The following ZNF577 variants were observed in gnomAD, a reference collection of about 807,000 sequenced individuals.
The protein encoded by ZNF577 is zinc finger protein 577.
Under a neutral mutation model 13.9 loss-of-function variants are expected in ZNF577, and 14 were observed. That is an observed-to-expected ratio of 1.00 (90% CI 0.66 to 1.57). ZNF577 has a LOEUF of 1.57. Among genes scored for constraint, ZNF577 ranks in the 40% most tolerant of loss-of-function variants. ZNF577 has a pLI of 0.00. For missense variants in ZNF577, 555 were observed against 579.2 expected (o/e 0.96, Z 0.43); for synonymous variants, 203 against 202.9 (o/e 1.00, Z 0.00).
At chr19:51,819,872 T>C (rs1761983002) in intron 9 of ZNF577, among the ~76,000 whole-genome samples, 3 of 152,192 alleles carry the variant, frequency 2.0e-5, no homozygotes, top group South Asian at 4.1e-4. Flanking sequence ...AAGGATCTAG[T>C]AGAAATCAAA....
At chr19:51,809,437 T>C (rs2122439646) in intron 10 of ZNF577, among the ~76,000 whole-genome samples, 1 of 152,332 alleles carries the variant, frequency 6.6e-6, no homozygotes, top group South Asian at 2.1e-4. Flanking sequence ...CAGGTAGGTC[T>C]ATTAGAGGCT....
At chr19:51,878,327 G>A in intron 4 of ZNF577, 62 bp downstream of exon 4, 1 of 1,518,562 alleles carries the variant, frequency 6.6e-7, no homozygotes, top group Non-Finnish European at 8.9e-7. Context: ...AAATATTTAT[G>A]GGACCGTACA....
At chr19:51,857,422 GAAAGAAAA>G (rs2084445666) in intron 5 of ZNF577, among the ~76,000 whole-genome samples, 1 of 108,706 alleles carries the variant, frequency 9.2e-6, no homozygotes, top group African/African-American at 4.3e-5. Context: ...AAGAAAGAAA[GAAAGAAAA>G]GAAAAAACAA....
chr19:51,813,162 C>G (rs553449251), intron 9 of ZNF577, among the ~76,000 whole-genome samples: 1 of 135,052 alleles, frequency 7.4e-6, no homozygotes, highest in African/African-American at 2.8e-5. Context: ...ACACACACAC[C>G]CCATAAATTT....
intron 5 of ZNF577, among the ~76,000 whole-genome samples, chr19:51,875,358 T>G: frequency 8.9e-6 from 1 of 112,752 alleles, no homozygotes; most frequent in East Asian, 2.4e-4. Context: ...AGCAAAACTC[T>G]GTCACAAAAA....
rs1349935754 is a variant in ZNF577 at position 51,873,628 on chromosome 19, A to G, written c.362T>C (p.Ile121Thr). 6.2e-7 allele frequency: 1 copy of G among 1,614,080 alleles called. No homozygotes were observed. ...TCCAGTAAGAGTTTTGTCACGCTTG[A>G]TATGGAGGCATGATCTCCCATATCC... ...FGGYGRSCLH[I>T]KRDKTLTGVK... The change falls in exon 6 of 6, where the codon ATC becomes ACC. Residue 121 changes from isoleucine to threonine, a missense_variant. By Grantham distance (89) the Ile-to-Thr change is moderately conservative (BLOSUM62 -1). Transcript: ENST00000638348.
At chr19:51,865,848 G>A (rs2084556654), downstream of ZNF577, among the ~76,000 whole-genome samples, 1 of 152,106 alleles carries the variant, frequency 6.6e-6, no homozygotes, top group Non-Finnish European at 1.5e-5. Context: ...TGGGTGCGGT[G>A]GCTCACACTT....
rs1350122382 is a variant in ZNF577, at chr19:51,878,504, T to C, written c.72A>G (p.Ser24=). The C allele has an allele frequency of 1.9e-6, 3 of 1,614,094 alleles. No individual in the cohort carries two copies. Among genetic ancestry groups the C allele is most frequent in the Non-Finnish European group, 2.5e-6 (3 of 1,179,968 alleles). The change falls in exon 4 of 6, where the codon TCA becomes TCG. Residue 24 remains serine, a synonymous_variant. Transcript: ENST00000638348. ...QGSSSGEGSL[S]FEDVAVGFTR... ...TGAAGCCCACAGCCACATCTTCGAA[T>C]GACAATGACCCCTATAATAACAATT... is the stretch of plus-strand genomic sequence containing the variant.
At chr19:51,813,688 G>A (rs536351424) in intron 9 of ZNF577, among the ~76,000 whole-genome samples, 2 of 152,118 alleles carry the variant, frequency 1.3e-5, no homozygotes, top group East Asian at 1.9e-4. Flanking sequence ...CTGCCACCAC[G>A]CCCAGCTAAT....
In ZNF577 at chr19:51,868,911, G is replaced by A. The variant is rs1022645466; in HGVS notation, c.*3621C>T. On this transcript the variant is annotated 3_prime_UTR_variant, in exon 6 of 6. Transcript: ENST00000638348. ...TACTAGATTTAGGGCTGTGCAGGAT[G>A]TGCTTTGTTAAAATGTGTTTGCAGG... Among the ~76,000 whole-genome samples, 3 of 152,200 alleles carry A rather than the reference G, an allele frequency of 2.0e-5. No homozygotes were observed. Among genetic ancestry groups the A allele is most frequent in the African/African-American group, 4.8e-5 (2 of 41,444 alleles).
chr19:51,807,761 G>A lies in ZNF577; in HGVS notation c.*818-2507C>T, dbSNP rs188929285. On this transcript the variant is annotated intron_variant and NMD_transcript_variant, in intron 10 of 10. Transcript: ENST00000638827. ...TATCTATCACGCCCATGAAGTCTGC[G>A]AAAGCAGTTTGCCAGGCAGTCGACA... 3.1e-3 allele frequency among the ~76,000 whole-genome samples: 478 copies of A among 152,324 alleles called. 5 individuals carry two copies. The highest frequency in any genetic ancestry group is 0.011 in the South Asian group (55 of 4,826).
intron 5 of ZNF577, among the ~76,000 whole-genome samples, chr19:51,851,037 T>G (rs2084376465): frequency 6.6e-6 from 1 of 152,214 alleles, no homozygotes; most frequent in Admixed American, 6.5e-5. Flanking sequence ...TTATGGAAAG[T>G]TCTCAAATCT....
At chr19:51,850,863 A>C (rs2084375778) in intron 5 of ZNF577, among the ~76,000 whole-genome samples, 1 of 152,226 alleles carries the variant, frequency 6.6e-6, no homozygotes, top group Admixed American at 6.5e-5. Context: ...CTGTAGACCA[A>C]ATCAGTGAGC....
intron 5 of ZNF577, among the ~76,000 whole-genome samples, chr19:51,847,526 C>T (rs957249240): frequency 2.6e-5 from 4 of 152,144 alleles, no homozygotes; most frequent in African/African-American, 9.7e-5. Flanking sequence ...CACATCCTGA[C>T]GGCCCCCTCC....
chr19:51,841,556 T>C (rs1360012845), intron 8 of ZNF577, among the ~76,000 whole-genome samples: 2 of 152,164 alleles, frequency 1.3e-5, no homozygotes, highest in African/African-American at 4.8e-5. Context: ...AGTTCTACTG[T>C]TGAAACTGCA....
chr19:51,840,510 C>G (rs979876698), intron 8 of ZNF577: 2 of 152,178 alleles, frequency 1.3e-5, no homozygotes, highest in Non-Finnish European at 2.9e-5. Context: ...CACCTGGGTA[C>G]ATTTGGGTGT....
intron 5 of ZNF577, among the ~76,000 whole-genome samples, chr19:51,873,926 A>AT (rs1357837912): frequency 1.3e-5 from 2 of 152,114 alleles, no homozygotes; most frequent in East Asian, 3.9e-4. Flanking sequence ...ATCCATGATA[A>AT]TTTTTTGTGG....
Position 51,807,087 on chromosome 19 carries a change from G to C in ZNF577, c.*818-1833C>G, listed in dbSNP as rs569333857. On this transcript the variant is annotated intron_variant and NMD_transcript_variant, in intron 10 of 10. Transcript: ENST00000638827. ...GACTGAACAAAGGGGACGAGCGTGG[G>C]AATAAAAGACAAGAGATAAAAGAGT... Among the ~76,000 whole-genome samples the C allele has an allele frequency of 5.9e-5, 9 of 152,296 alleles. 2 individuals carry two copies. Among genetic ancestry groups the C allele is most frequent in the African/African-American group, 2.2e-4 (9 of 41,566 alleles).
downstream of ZNF577, among the ~76,000 whole-genome samples, chr19:51,864,825 A>G (rs568702215): frequency 6.6e-6 from 1 of 152,330 alleles, no homozygotes; most frequent in Non-Finnish European, 1.5e-5. Flanking sequence ...GGGAACAAAG[A>G]AAAGAAATTA....
Sources: gnomAD v4.1 joint callset for allele counts (sites outside exome capture counted in the v4.1 genomes callset) on GRCh38, gnomAD v4.1.1 for gene constraint, MANE v1.5 for transcripts, NCBI Gene and HGNC (gene_info 2026-07-23, HGNC 2026-07-21) for gene names.